The following MLH3 variants were observed in gnomAD, a reference collection of about 807,000 sequenced individuals.
MLH3 encodes the protein DNA mismatch repair protein Mlh3.
A neutral mutation model predicts 122.2 loss-of-function variants in MLH3; 82 were observed. The ratio of observed to expected loss-of-function variants is 0.67; its 90% CI spans 0.56 to 0.81. The LOEUF (loss-of-function observed/expected upper bound fraction) is 0.81, where lower values mean the gene tolerates loss of function less well. Ranked by LOEUF, MLH3 falls within the 30% of genes least tolerant of loss-of-function variation. The pLI, the probability that MLH3 is intolerant of heterozygous loss-of-function variation, is 0.00. For missense variants in MLH3, 1,539 were observed against 1,714.5 expected, an observed-to-expected ratio of 0.90 and a Z score of 1.81; for synonymous variants, 524 against 599.5, an observed-to-expected ratio of 0.87 and a Z score of 1.84.
rs1437317593 is a variant in MLH3, at chr14:75,047,869, A to C, written c.1787T>G (p.Phe596Cys). The change falls in exon 2 of 13, where the codon TTT becomes TGT. Residue 596 changes from phenylalanine (F) to cysteine (C), a missense_variant. Phe to Cys is a radical substitution (Grantham distance 205, BLOSUM62 -2). Coordinates refer to ENST00000355774, the MANE Select transcript of MLH3 (RefSeq NM_001040108.2). ...ACATAATTTAACTCGCCCATAACTA[A>C]AAACATTTCTTCTTCCACAATTGCT... ...ESSNCGRRNV[F>C]SYGRVKLCST... 6.2e-7 allele frequency: 1 copy of C among 1,613,364 alleles called. No homozygotes were observed. Among genetic ancestry groups the C allele is most frequent in the African/African-American group, 1.3e-5 (1 of 74,976 alleles).
chr14:75,042,338 C>A (rs764818425), intron 3 of MLH3, 41 bp downstream of exon 3: 2 of 1,529,844 alleles, frequency 1.3e-6, no homozygotes, highest in Non-Finnish European at 1.8e-6. Flanking sequence ...TTAGGTGGTA[C>A]GATGTGTACT....
At chr14:75,027,688 A>AAC (rs1555341363) in intron 9 of MLH3, among the ~76,000 whole-genome samples, 42,876 of 134,514 alleles carry the variant, frequency 0.32, 7,250 homozygotes, top group Middle Eastern at 0.47. Context: ...AAAAAAAAAA[A>AAC]AAAAAACCCA....
At chr14:75,029,777 C>T (rs750548580) in intron 9 of MLH3, among the ~76,000 whole-genome samples, 4 of 152,104 alleles carry the variant, frequency 2.6e-5, no homozygotes, top group Admixed American at 6.5e-5. Context: ...TCAGGTGAAC[C>T]ACCCACCACG....
intron 2 of MLH3, 73 bp from the exon 3 acceptor site, chr14:75,042,550 T>A: frequency 8.7e-7 from 1 of 1,148,348 alleles, no homozygotes; most frequent in Non-Finnish European, 1.3e-6. Context: ...TTTAATCACA[T>A]AAAACCTCTT....
Position 75,016,088 on chromosome 14 carries a change from A to C in MLH3, c.*994T>G, listed in dbSNP as rs2139276323. On this transcript the variant is annotated 3_prime_UTR_variant, in exon 13 of 13. Transcript: ENST00000355774. ...AAATCATGTGAAAAGGTGCGGGAAA[A>C]ATAGATTGAGAATGGCATAACAAGC... 4.4e-6 allele frequency: 1 copy of C among 226,382 alleles called. No individual in the cohort carries two copies. Among genetic ancestry groups the C allele is most frequent in the East Asian group, 6.4e-5 (1 of 15,632 alleles). The allele number at this position is 226,382 out of a possible 1,614,324, so 14.0% of individuals were successfully genotyped here. A position where few individuals can be genotyped will look rare whatever the true frequency, so the allele number is the denominator to read the frequency against.
At chr14:75,038,952 C>T (rs1209924570) in intron 5 of MLH3, among the ~76,000 whole-genome samples, 1 of 151,506 alleles carries the variant, frequency 6.6e-6, no homozygotes, top group African/African-American at 2.4e-5. Context: ...CATTCTCCTG[C>T]CTCCATGCCA....
In MLH3 at chr14:75,027,013, C is replaced by T. The variant is rs540742398; in HGVS notation, c.3987+3530G>A. On this transcript the variant is annotated intron_variant, in intron 9 of 12. Coordinates refer to ENST00000355774, the MANE Select transcript of MLH3 (RefSeq NM_001040108.2). ...ACTTTGTAGGCTTAGGCAGGAGAATCGCTTGAACCTGGGAGGCGGAGGTTG... is the reference window on the plus strand; with the variant it reads ...ACTTTGTAGGCTTAGGCAGGAGAATTGCTTGAACCTGGGAGGCGGAGGTTG... 1.1e-3 allele frequency among the ~76,000 whole-genome samples: 160 copies of T among 152,008 alleles called. 1 individual carries two copies. The highest frequency in any genetic ancestry group is 1.8e-3 in the Non-Finnish European group (120 of 67,964).
intron 11 of MLH3, among the ~76,000 whole-genome samples, chr14:75,021,307 CTT>C (rs1036962166): frequency 6.6e-6 from 1 of 152,220 alleles, no homozygotes; most frequent in Admixed American, 6.5e-5. Context: ...ACAAGTGAGA[CTT>C]AATTAAACTA....
At chr14:75,041,804 G>C in intron 3 of MLH3, 104 bp from the exon 4 acceptor site, 1 of 787,786 alleles carries the variant, frequency 1.3e-6, no homozygotes. Flanking sequence ...CAAAGGTCAC[G>C]TACATTGTTT....
At chr14:75,019,183 G>A (rs1373140461) in intron 11 of MLH3, 6 of 546,948 alleles carry the variant, frequency 1.1e-5, no homozygotes, top group East Asian at 3.3e-5. Context: ...AGGCTGAGGC[G>A]GGCAGATCAT....
intron 8 of MLH3, 119 bp downstream of exon 8, chr14:75,031,949 C>G (rs1432820379): frequency 3.9e-6 from 3 of 769,006 alleles, no homozygotes; most frequent in African/African-American, 3.4e-5. Context: ...TGACCTTAGA[C>G]AAGTCTTGTA....
chr14:75,043,044 G>A (rs1487367087), intron 2 of MLH3, among the ~76,000 whole-genome samples: 1 of 152,180 alleles, frequency 6.6e-6, no homozygotes, highest in African/African-American at 2.4e-5. Flanking sequence ...CCAAAGTGTT[G>A]GGATTACAGG....
Position 75,047,020 on chromosome 14 carries a change from C to A in MLH3, c.2636G>T (p.Arg879Ile). Residue 879 changes from arginine (R) to isoleucine (I), a missense_variant, in exon 2 of 13, where the codon AGA (arginine) becomes ATA (isoleucine). Physicochemically the swap from Arg to Ile is moderately conservative, Grantham distance 97 (BLOSUM62 -3). Coordinates refer to ENST00000355774, the MANE Select transcript of MLH3 (RefSeq NM_001040108.2). ...AGTTTCTCTTTCGGAACCCTTCAGT[C>A]TGGATAATTTAGAGGCTAGTGATTC... ...SSESLASKLS[R>I]LKGSERETQT... is the part of the protein sequence containing the mutation. 6.2e-7 allele frequency: 1 copy of A among 1,614,164 alleles called. No homozygotes were observed. Among genetic ancestry groups the A allele is most frequent in the Non-Finnish European group, 8.5e-7 (1 of 1,180,022 alleles).
Position 75,017,022 on chromosome 14 carries a change from C to A in MLH3, c.*60G>T. The A allele has an allele frequency of 6.2e-7, 1 of 1,602,056 alleles. No individual in the cohort carries two copies. Among genetic ancestry groups the A allele is most frequent in the East Asian group, 2.3e-5 (1 of 44,356 alleles). ...CGTGCTGGTACCTGCTGCTGCTGCT[C>A]TCTGCTCAGAGGCATACAGTGAACA... On this transcript the variant is annotated 3_prime_UTR_variant, in exon 13 of 13. Coordinates refer to ENST00000355774, the MANE Select transcript of MLH3 (RefSeq NM_001040108.2).
intron 5 of MLH3, among the ~76,000 whole-genome samples, chr14:75,039,058 C>CGTA (rs1891626138): frequency 6.6e-6 from 1 of 152,100 alleles, no homozygotes; most frequent in South Asian, 2.1e-4. Context: ...GGGGTTTCAC[C>CGTA]GTGTTAGCCA....
At position 75,048,268 on chromosome 14, in the gene MLH3, C is replaced by T. The variant is rs144313410; in HGVS notation, c.1388G>A (p.Ser463Asn). 7 of 1,613,876 alleles carry T rather than the reference C, an allele frequency of 4.3e-6. No individual in the cohort carries two copies. The African/African-American group carries it at 9.3e-5, about 22-fold the overall frequency. Residue 463 changes from serine (S) to asparagine (N), a missense_variant, in exon 2 of 13, where the codon AGC becomes AAC. Physicochemically the swap from Ser to Asn is conservative, Grantham distance 46. Transcript: ENST00000355774. Reference sequence around the variant, plus strand: ...TAACATCTTTGATTCTGAGCAAGAGCTGTCTTTGTTTTGTAAAGATGGCTC... The same window carrying T: ...TAACATCTTTGATTCTGAGCAAGAGTTGTCTTTGTTTTGTAAAGATGGCTC... The part of the protein sequence containing the change: ...MTEPSLQNKD[S>N]SCSESKMLEQ...
At chr14:75,029,845 C>T (rs1890920574) in intron 9 of MLH3, among the ~76,000 whole-genome samples, 1 of 152,098 alleles carries the variant, frequency 6.6e-6, no homozygotes, top group South Asian at 2.1e-4. Context: ...TAGTTTCCCA[C>T]TATTCTGTAA....
In MLH3 at chr14:75,015,806, A is replaced by G. The variant is rs140403841; in HGVS notation, c.*1276T>C. The G allele has an allele frequency of 2.5e-4, 55 of 223,736 alleles. No individual in the cohort carries two copies. Among genetic ancestry groups the G allele is most frequent in the African/African-American group, 1.1e-3 (51 of 44,944 alleles). 13.9% of individuals were successfully genotyped at this position (223,736 alleles called of 1,614,324 possible). A position where few individuals can be genotyped will look rare whatever the true frequency, so the allele number is the denominator to read the frequency against. ...GCAATACTTTCATTGCTCCTGTAAG[A>G]TTCACTTCAAGGCTGCTGGCAAAGG... On this transcript the variant is annotated 3_prime_UTR_variant, in exon 13 of 13. Transcript: ENST00000355774.
Position 75,049,668 on chromosome 14 carries a change from G to T in MLH3, c.-13C>A. The T allele has an allele frequency of 6.2e-7, 1 of 1,612,442 alleles. No individual in the cohort carries two copies. Among genetic ancestry groups the T allele is most frequent in the Non-Finnish European group, 8.5e-7 (1 of 1,179,054 alleles). ...AGCACTTGATCATGGTAGGTAGAAA[G>T]ATGGTGAGAATGCCAGGCACTGGTT... On this transcript the variant is annotated 5_prime_UTR_variant, in exon 2 of 13. Transcript: ENST00000355774.
Sources: gnomAD v4.1 joint callset for allele counts (sites outside exome capture counted in the v4.1 genomes callset) on GRCh38, gnomAD v4.1.1 for gene constraint, MANE v1.5 for transcripts, NCBI Gene and HGNC (gene_info 2026-07-23, HGNC 2026-07-21) for gene names.